Variants in ADAMTSL1 observed in about 807,000 individuals in gnomAD.
ADAMTSL1 encodes ADAMTS like 1, also known as ADAMTS-like protein 1.
In ADAMTSL1, 126 loss-of-function variants were observed where a neutral mutation model predicts 201.8. The observed-to-expected ratio is 0.62, with a 90% CI of 0.54 to 0.72. The LOEUF is 0.72. ADAMTSL1 is among the 30% of genes least tolerant of loss of function. ADAMTSL1 has a pLI of 0.00. For synonymous variants in ADAMTSL1, 1,121 were observed against 903.4 expected (o/e 1.24, Z -4.32); for missense variants, 2,679 against 2,277.8 (o/e 1.18, Z -3.59).
chr9:18,206,122 C>T (rs1829639355), intron 2 of ADAMTSL1, among the ~76,000 whole-genome samples: 1 of 146,984 alleles, frequency 6.8e-6, no homozygotes, highest in Non-Finnish European at 1.5e-5. Context: ...GGAAAATTCC[C>T]ATCATGAGTT....
intron 1 of ADAMTSL1, among the ~76,000 whole-genome samples, chr9:18,025,124 T>A (rs1362831772): frequency 6.6e-6 from 1 of 151,976 alleles, no homozygotes; most frequent in East Asian, 1.9e-4. Context: ...TTTTGCTTGC[T>A]GAATTGTTTA....
intron 2 of ADAMTSL1, among the ~76,000 whole-genome samples, chr9:18,465,581 C>T (rs1442295745): frequency 6.6e-6 from 1 of 152,172 alleles, no homozygotes; most frequent in Non-Finnish European, 1.5e-5. Flanking sequence ...CACCCACTTG[C>T]TCCACTGAAT....
intron 5 of ADAMTSL1, among the ~76,000 whole-genome samples, chr9:18,633,822 C>T (rs1163363217): frequency 1.3e-5 from 2 of 151,950 alleles, no homozygotes; most frequent in Non-Finnish European, 2.9e-5. Flanking sequence ...TGTAACCTCT[C>T]CAGGGAAGGA....
chr9:18,227,614 T>C (rs1449020456), intron 2 of ADAMTSL1, among the ~76,000 whole-genome samples: 1 of 152,202 alleles, frequency 6.6e-6, no homozygotes, highest in East Asian at 1.9e-4. Flanking sequence ...CACATATGCC[T>C]GTACATTGAA....
At chr9:18,578,143 G>A (rs1326490161) in intron 4 of ADAMTSL1, among the ~76,000 whole-genome samples, 1 of 152,088 alleles carries the variant, frequency 6.6e-6, no homozygotes, top group African/African-American at 2.4e-5. Flanking sequence ...CAGACTAGAA[G>A]GCAGAGAGTG....
At chr9:18,052,421 G>T (rs2131670918) in intron 1 of ADAMTSL1, among the ~76,000 whole-genome samples, 1 of 152,340 alleles carries the variant, frequency 6.6e-6, no homozygotes, top group South Asian at 2.1e-4. Flanking sequence ...AGTAAGAGTT[G>T]AGCCAATGGA....
At chr9:18,355,188 G>A (rs1271194179) in intron 2 of ADAMTSL1, among the ~76,000 whole-genome samples, 2 of 152,082 alleles carry the variant, frequency 1.3e-5, no homozygotes, top group African/African-American at 2.4e-5. Context: ...TTGTAGAATG[G>A]TATCACTGTT....
At chr9:18,220,714 C>G (rs981106485) in intron 2 of ADAMTSL1, among the ~76,000 whole-genome samples, 1 of 151,970 alleles carries the variant, frequency 6.6e-6, no homozygotes, top group Non-Finnish European at 1.5e-5. Context: ...TTTCCTCATC[C>G]TCTTTTTCTT....
intron 2 of ADAMTSL1, among the ~76,000 whole-genome samples, chr9:18,344,235 A>T (rs573371914): frequency 6.6e-6 from 1 of 152,024 alleles, no homozygotes; most frequent in Non-Finnish European, 1.5e-5. Context: ...TTTATTTTCT[A>T]TATCCTTCTC....
intron 2 of ADAMTSL1, among the ~76,000 whole-genome samples, chr9:18,356,307 C>T (rs1387182798): frequency 1.3e-5 from 2 of 152,040 alleles, no homozygotes; most frequent in African/African-American, 4.8e-5. Context: ...TTTCAGGCTT[C>T]GGGCTGTTTT....
At chr9:18,355,468 G>C (rs1223035050) in intron 2 of ADAMTSL1, among the ~76,000 whole-genome samples, 1 of 152,078 alleles carries the variant, frequency 6.6e-6, no homozygotes, top group Non-Finnish European at 1.5e-5. Context: ...CCATAGCAAG[G>C]ATTCTTAAAA....
intron 2 of ADAMTSL1, among the ~76,000 whole-genome samples, chr9:18,377,215 A>G (rs1837335408): frequency 6.6e-6 from 1 of 152,238 alleles, no homozygotes; most frequent in African/African-American, 2.4e-5. Flanking sequence ...GAAGTTATTT[A>G]ACTTCTCTAT....
At chr9:18,061,896 T>C (rs1180809446) in intron 1 of ADAMTSL1, among the ~76,000 whole-genome samples, 1 of 152,218 alleles carries the variant, frequency 6.6e-6, no homozygotes, top group Non-Finnish European at 1.5e-5. Flanking sequence ...CAATTTTCAA[T>C]AGCAAAATGA....
intron 9 of ADAMTSL1, among the ~76,000 whole-genome samples, chr9:18,662,829 T>G (rs951587281): frequency 9.9e-5 from 15 of 152,202 alleles, no homozygotes; most frequent in African/African-American, 3.6e-4. Context: ...CGTTTGCCTT[T>G]GCAGTCACAA....
At chr9:18,795,185 G>A (rs1822330196) in intron 19 of ADAMTSL1, among the ~76,000 whole-genome samples, 1 of 141,266 alleles carries the variant, frequency 7.1e-6, no homozygotes, top group Non-Finnish European at 1.5e-5. Context: ...AAGGCAATGG[G>A]AAACCTCCTT....
At chr9:18,856,508 G>A (rs1172456996) in intron 23 of ADAMTSL1, among the ~76,000 whole-genome samples, 3 of 128,766 alleles carry the variant, frequency 2.3e-5, no homozygotes, top group African/African-American at 3.1e-5. Flanking sequence ...CTGTCGCCCA[G>A]GCTAGAGTGC....
chr9:18,056,349 G>C (rs1460306831), intron 1 of ADAMTSL1, among the ~76,000 whole-genome samples: 1 of 152,156 alleles, frequency 6.6e-6, no homozygotes, highest in African/African-American at 2.4e-5. Context: ...GATTCATTTA[G>C]TATGTAATGG....
intron 4 of ADAMTSL1, among the ~76,000 whole-genome samples, chr9:18,620,020 T>TA (rs1825935622): frequency 4.0e-5 from 5 of 123,652 alleles, no homozygotes; most frequent in African/African-American, 1.1e-4. Context: ...TTCTGATTTT[T>TA]TTTTTTTTTT....
intron 1 of ADAMTSL1, among the ~76,000 whole-genome samples, chr9:17,992,858 C>G (rs1422279004): frequency 2.0e-5 from 3 of 152,178 alleles, no homozygotes; most frequent in African/African-American, 7.2e-5. Flanking sequence ...CTGTAATCCC[C>G]TAACTTATTT....
Sources: allele counts gnomAD v4.1 joint callset (sites outside exome capture counted in the v4.1 genomes callset), GRCh38; gene constraint gnomAD v4.1.1; transcripts MANE v1.5; gene names NCBI Gene and HGNC (gene_info 2026-07-23, HGNC 2026-07-21).